IPO11: variants seen among roughly 807,000 people sequenced by gnomAD.
IPO11 encodes the protein importin-11.
In IPO11, 66 loss-of-function variants were observed where a neutral mutation model predicts 143.2. The observed-to-expected ratio is 0.46, with a 90% CI of 0.38 to 0.57. IPO11 has a LOEUF of 0.57. Ranked by LOEUF, IPO11 falls within the 20% of genes least tolerant of loss-of-function variation. The probability of loss-of-function intolerance (pLI) is 0.00; values close to 1 mark genes in which losing one functional copy is unlikely to be tolerated. For missense variants in IPO11, 1,026 were observed against 1,141.0 expected (o/e 0.90, Z 1.45); for synonymous variants, 385 against 377.8 (o/e 1.02, Z -0.22).
chr5:62,423,784 TAATA>T (rs1264565031), intron 1 of IPO11, among the ~76,000 whole-genome samples: 2 of 152,228 alleles, frequency 1.3e-5, no homozygotes, highest in African/African-American at 4.8e-5. Flanking sequence ...TTTCTCAAAA[TAATA>T]AACTTCATTT....
At chr5:62,476,801 G>A (rs189034386) in intron 9 of IPO11, 48 bp downstream of exon 9, 17 of 1,419,694 alleles carry the variant, frequency 1.2e-5, no homozygotes, top group Non-Finnish European at 1.5e-5. Context: ...CACATATTCA[G>A]ATTTACAAAG....
chr5:62,624,560 T>C (rs1478885525), intron 29 of IPO11, among the ~76,000 whole-genome samples: 1 of 152,170 alleles, frequency 6.6e-6, no homozygotes, highest in Non-Finnish European at 1.5e-5. Flanking sequence ...CCGCAACCTA[T>C]CTTATCAGCT....
At chr5:62,586,764 AAAAAATAT>A (rs1303740138) in intron 27 of IPO11, among the ~76,000 whole-genome samples, 6 of 83,144 alleles carry the variant, frequency 7.2e-5, no homozygotes, top group African/African-American at 2.8e-4. Context: ...AAAAAAAAAA[AAAAAATAT>A]ATATATATAT....
intron 29 of IPO11, among the ~76,000 whole-genome samples, chr5:62,624,386 C>T (rs990284310): frequency 6.6e-6 from 1 of 152,124 alleles, no homozygotes; most frequent in Non-Finnish European, 1.5e-5. Flanking sequence ...TTACCCTATA[C>T]GTTACCCTAC....
intron 5 of IPO11, among the ~76,000 whole-genome samples, chr5:62,461,190 G>A (rs1745345524): frequency 6.6e-6 from 1 of 152,134 alleles, no homozygotes; most frequent in Non-Finnish European, 1.5e-5. Context: ...AAGGAAAAGT[G>A]GGAATTTATT....
intron 3 of IPO11, among the ~76,000 whole-genome samples, chr5:62,444,629 A>G (rs1744646453): frequency 6.6e-6 from 1 of 151,976 alleles, no homozygotes. Flanking sequence ...TAATCCCAGC[A>G]CTTTGGGAGG....
intron 19 of IPO11, among the ~76,000 whole-genome samples, chr5:62,513,041 C>T (rs1439084643): frequency 6.6e-6 from 1 of 150,436 alleles, no homozygotes; most frequent in Non-Finnish European, 1.5e-5. Flanking sequence ...ACCTTGCCCC[C>T]TTTTCTATTC....
In IPO11 at chr5:62,437,395, C is replaced by T. The variant is rs750804778; in HGVS notation, c.116C>T (p.Pro39Leu). 1 of 1,610,100 alleles carries T rather than the reference C, an allele frequency of 6.2e-7. No homozygotes were observed. Among genetic ancestry groups the T allele is most frequent in the Non-Finnish European group, 8.5e-7 (1 of 1,177,996 alleles). Residue 39 changes from proline (P) to leucine (L), a missense_variant, in exon 2 of 30, where the codon CCA (proline) becomes CTA (leucine). Physicochemically the swap from Pro to Leu is moderately conservative, Grantham distance 98. This residue lies in a region of IPO11 where 429 missense variants were observed against 456.3 expected (regional missense o/e 0.94). Transcript: ENST00000325324. ...CAGTTGAAGCAGTGGGAGACACAGC[C>T]AGGTTTCTATTCAGTGTTGCTGGTA... Reference protein sequence around the residue: ...EEQLKQWETQPGFYSVLLNIF... With the variant: ...EEQLKQWETQLGFYSVLLNIF...
At chr5:62,626,764 C>T (rs985690355) in intron 29 of IPO11, among the ~76,000 whole-genome samples, 5 of 151,518 alleles carry the variant, frequency 3.3e-5, no homozygotes, top group African/African-American at 1.2e-4. Context: ...CTGAGGGCAT[C>T]ACTGGGTTGC....
intron 5 of IPO11, among the ~76,000 whole-genome samples, chr5:62,457,573 A>G (rs1362930627): frequency 3.3e-5 from 5 of 152,210 alleles, no homozygotes; most frequent in Non-Finnish European, 5.9e-5. Flanking sequence ...TCAAGTTACA[A>G]TACTTCAGAA....
chr5:62,544,760 A>T (rs924041833), intron 24 of IPO11, among the ~76,000 whole-genome samples: 4 of 152,208 alleles, frequency 2.6e-5, no homozygotes, highest in Non-Finnish European at 4.4e-5. Flanking sequence ...AAATCTCAGG[A>T]TACAAAATCA....
chr5:62,592,331 T>C (rs988252074), intron 28 of IPO11, among the ~76,000 whole-genome samples: 4 of 152,130 alleles, frequency 2.6e-5, no homozygotes, highest in Non-Finnish European at 5.9e-5. Flanking sequence ...CTCTAGCAAA[T>C]GGGAAAGATT....
intron 20 of IPO11, among the ~76,000 whole-genome samples, chr5:62,525,366 T>TG (rs1449194829): frequency 2.6e-3 from 384 of 148,566 alleles, no homozygotes; most frequent in African/African-American, 9.1e-3. Flanking sequence ...CTTTTTTTTT[T>TG]TTTGTGTGTG....
intron 5 of IPO11, among the ~76,000 whole-genome samples, chr5:62,454,531 G>A (rs563565657): frequency 2.0e-5 from 3 of 152,036 alleles, no homozygotes; most frequent in Admixed American, 6.6e-5. Context: ...ATATTTAGTC[G>A]AGGCAATCTC....
chr5:62,543,899 T>C (rs1439550143), intron 24 of IPO11, among the ~76,000 whole-genome samples: 1 of 152,210 alleles, frequency 6.6e-6, no homozygotes, highest in Non-Finnish European at 1.5e-5. Flanking sequence ...TTGTTCTCGT[T>C]GGTTTCAAAG....
At chr5:62,579,285 A>G (rs1321300205) in intron 27 of IPO11, 5 of 708,400 alleles carry the variant, frequency 7.1e-6, no homozygotes, top group Non-Finnish European at 2.4e-6. Context: ...GGTATGATTT[A>G]TGATAGTATT....
intron 27 of IPO11, among the ~76,000 whole-genome samples, chr5:62,583,725 G>A (rs954366578): frequency 6.6e-6 from 1 of 152,086 alleles, no homozygotes; most frequent in Non-Finnish European, 1.5e-5. Flanking sequence ...CTTATTTAAG[G>A]TATAATTGAA....
chr5:62,506,166 C>T, intron 18 of IPO11, 75 bp from the exon 19 acceptor site: 1 of 724,408 alleles, frequency 1.4e-6, no homozygotes. Flanking sequence ...TTATTTCTTA[C>T]TTCTGTTCGT....
intron 29 of IPO11, among the ~76,000 whole-genome samples, chr5:62,607,802 T>C (rs1213492952): frequency 6.8e-6 from 1 of 148,118 alleles, no homozygotes; most frequent in Non-Finnish European, 1.5e-5. Flanking sequence ...CCACATCTCT[T>C]TTTTTTTTTT....
Sources: gnomAD v4.1 joint callset for allele counts (sites outside exome capture counted in the v4.1 genomes callset) on GRCh38, gnomAD v4.1.1 for gene constraint, gnomAD v4.1.1 regional missense constraint, MANE v1.5 for transcripts, NCBI Gene and HGNC (gene_info 2026-07-23, HGNC 2026-07-21) for gene names.